Variants in UQCR10 observed in about 807,000 individuals in gnomAD.
UQCR10 encodes cytochrome b-c1 complex subunit 9.
A neutral mutation model predicts 6.0 loss-of-function variants in UQCR10; 5 were observed. The observed-to-expected ratio is 0.83, with a 90% CI of 0.43 to 1.74. The LOEUF (loss-of-function observed/expected upper bound fraction) is 1.74. UQCR10 is among the 40% of genes most tolerant of loss of function. The pLI is 0.02. For synonymous variants in UQCR10, 40 were observed against 37.4 expected (o/e 1.07, Z -0.26); for missense variants, 101 against 85.1 (o/e 1.19, Z -0.74).
chr22:29,769,830 A>G lies in UQCR10; in HGVS notation c.*111A>G. 7.9e-7 allele frequency: 1 copy of G among 1,259,166 alleles called. No individual in the cohort carries two copies. Among genetic ancestry groups the G allele is most frequent in the Non-Finnish European group, 1.1e-6 (1 of 880,930 alleles). 78.0% of individuals were successfully genotyped at this position (1,259,166 alleles called of 1,614,324 possible). ...ATGCTCAAGGTACTCTTCATGGACC[A>G]CCATTCGCTGTTGGCAAGAAACGGC... On this transcript the variant is annotated 3_prime_UTR_variant, in exon 2 of 2. Coordinates refer to ENST00000330029, the MANE Select transcript of UQCR10 (RefSeq NM_013387.4).
Position 29,770,042 on chromosome 22 carries a change from C to A in UQCR10, c.*323C>A. The A allele has an allele frequency of 2.1e-6, 1 of 477,614 alleles. No individual in the cohort carries two copies. The highest frequency in any genetic ancestry group is 2.0e-5 in the African/African-American group (1 of 51,092). The allele number at this position is 477,614 out of a possible 1,614,324, so 29.6% of individuals were successfully genotyped here. On this transcript the variant is annotated 3_prime_UTR_variant, in exon 2 of 2. Coordinates refer to ENST00000330029, the MANE Select transcript of UQCR10 (RefSeq NM_013387.4). ...AAGCCCTCTGCAAACACCCCAAAGG[C>A]AGAATCTGCTATTTTGAGTTTTCCA...
chr22:29,768,635 T>TGTG (rs1020831437), intron 1 of UQCR10, among the ~76,000 whole-genome samples: 1 of 151,936 alleles, frequency 6.6e-6, no homozygotes, highest in Non-Finnish European at 1.5e-5. Flanking sequence ...TTGTTTTGTT[T>TGTG]TGTTTTTTTG....
intron 1 of UQCR10, 179 bp downstream of exon 1, chr22:29,767,727 G>T: frequency 1.0e-6 from 1 of 971,932 alleles, no homozygotes; most frequent in Non-Finnish European, 1.5e-6. Flanking sequence ...AACGTTAAGC[G>T]AGGTTAATAT....
intron 1 of UQCR10, among the ~76,000 whole-genome samples, chr22:29,767,992 G>T (rs1487316132): frequency 6.6e-6 from 1 of 152,158 alleles, no homozygotes; most frequent in Non-Finnish European, 1.5e-5. Flanking sequence ...GGCGCTTCTG[G>T]TCCCCAAGGC....
rs574701326 is a variant in UQCR10 at position 29,769,631 on chromosome 22, G to T, written c.151-47G>T. 3.3e-6 allele frequency: 5 copies of T among 1,506,186 alleles called. No homozygotes were observed. In the African/African-American group the frequency reaches 6.9e-5, roughly 21 times the overall value. The allele number at this position is 1,506,186 out of a possible 1,614,324, so 93.3% of individuals were successfully genotyped here. ...AGGGCAGTGGGAGTAGTTGTAAAAT[G>T]TGAGAGGCAAAGGTCAAAGTTTGTG... On this transcript the variant is annotated intron_variant, in intron 1 of 1. Transcript: ENST00000330029.
chr22:29,768,754 G>A (rs2068244177), intron 1 of UQCR10, among the ~76,000 whole-genome samples: 1 of 152,176 alleles, frequency 6.6e-6, no homozygotes, highest in South Asian at 2.1e-4. Flanking sequence ...AGCCTCCTGA[G>A]TAGCTGGGAC....
At chr22:29,768,628 T>TG (rs904937048) in intron 1 of UQCR10, among the ~76,000 whole-genome samples, 11 of 128,512 alleles carry the variant, frequency 8.6e-5, no homozygotes, top group African/African-American at 1.8e-4. Context: ...CTTTTTTTTG[T>TG]TTTGTTTTGT....
rs1416965164 is a variant in UQCR10 at position 29,770,255 on chromosome 22, A to G, written c.*536A>G. On this transcript the variant is annotated 3_prime_UTR_variant, in exon 2 of 2. Coordinates refer to ENST00000330029, the MANE Select transcript of UQCR10 (RefSeq NM_013387.4). ...TCTTAGCCACTCCCCACCCTAGGGT[A>G]TAGTTCAGGGGTATCCAATCCTTTG... 3.0e-6 allele frequency: 1 copy of G among 337,736 alleles called. No homozygotes were observed. The highest frequency in any genetic ancestry group is 5.8e-6 in the Non-Finnish European group (1 of 171,622). 20.9% of individuals were successfully genotyped at this position (337,736 alleles called of 1,614,324 possible).
intron 1 of UQCR10, among the ~76,000 whole-genome samples, chr22:29,768,617 GC>G (rs1478724430): frequency 4.0e-5 from 6 of 149,170 alleles, no homozygotes; most frequent in African/African-American, 1.5e-4. Context: ...TTTTCCTTGT[GC>G]TTTTTTTTGT....
Position 29,769,590 on chromosome 22 carries a change from G to T in UQCR10, c.151-88G>T. ...AGGACATGGCATGTGTTTCCCCCAAGCTCATTTTAGAGACCAGGGCAGTGG... is the reference window on the plus strand; with the variant it reads ...AGGACATGGCATGTGTTTCCCCCAATCTCATTTTAGAGACCAGGGCAGTGG... On this transcript the variant is annotated intron_variant, in intron 1 of 1. Transcript: ENST00000330029. 3.6e-6 allele frequency: 5 copies of T among 1,378,748 alleles called. No homozygotes were observed. In the South Asian group the frequency reaches 6.4e-5, roughly 18 times the overall value. The allele number at this position is 1,378,748 out of a possible 1,614,324, so 85.4% of individuals were successfully genotyped here.
At chr22:29,767,703 G>A in intron 1 of UQCR10, 155 bp downstream of exon 1, 1 of 1,164,172 alleles carries the variant, frequency 8.6e-7, no homozygotes, top group Non-Finnish European at 1.2e-6. Flanking sequence ...CCCTTGGCTT[G>A]ATGTGAATTC....
In UQCR10 at chr22:29,767,665, G is replaced by C. The variant is rs2068232855; in HGVS notation, c.150+117G>C. On this transcript the variant is annotated intron_variant, in intron 1 of 1. Transcript: ENST00000330029. The stretch of plus-strand genomic sequence containing the variant: ...AGGGGGTAAGGGGTAAACCGTCGGC[G>C]TCTTCTGTCTCGAGTCCGCCGTCTG... The C allele has an allele frequency of 2.1e-6, 3 of 1,425,838 alleles. No homozygotes were observed. In the Admixed American group the frequency reaches 8.4e-5, roughly 40 times the overall value. 88.3% of individuals were successfully genotyped at this position (1,425,838 alleles called of 1,614,324 possible). A position where few individuals can be genotyped will look rare whatever the true frequency, so the allele number is the denominator to read the frequency against.
intron 1 of UQCR10, among the ~76,000 whole-genome samples, chr22:29,768,906 C>T (rs1049675882): frequency 2.0e-5 from 3 of 152,146 alleles, no homozygotes; most frequent in African/African-American, 4.8e-5. Flanking sequence ...GGATTACAGG[C>T]GTGAGCCACT....
intron 1 of UQCR10, among the ~76,000 whole-genome samples, chr22:29,769,072 T>G (rs1484252337): frequency 6.6e-6 from 1 of 152,222 alleles, no homozygotes; most frequent in Non-Finnish European, 1.5e-5. Context: ...TCTTCCAGGC[T>G]GTTTTCCTTA....
rs763838487 is a variant in UQCR10 at position 29,767,635 on chromosome 22, C to T, written c.150+87C>T. ...GGGATGGGACTCAGTATACTTTTAC[C>T]AGGAAGGGGGTAAGGGGTAAACCGT... is the stretch of plus-strand genomic sequence containing the variant. On this transcript the variant is annotated intron_variant, in intron 1 of 1. Coordinates refer to ENST00000330029, the MANE Select transcript of UQCR10 (RefSeq NM_013387.4). The T allele has an allele frequency of 2.3e-5, 35 of 1,492,510 alleles. No individual in the cohort carries two copies. The South Asian group carries it at 4.3e-4, about 18-fold the overall frequency. The allele number at this position is 1,492,510 out of a possible 1,614,324, so 92.5% of individuals were successfully genotyped here.
intron 1 of UQCR10, 92 bp downstream of exon 1, chr22:29,767,640 AG>A: frequency 6.8e-7 from 1 of 1,469,408 alleles, no homozygotes; most frequent in Non-Finnish European, 9.1e-7. Context: ...TTTACCAGGA[AG>A]GGGGTAAGGG....
In UQCR10 at chr22:29,769,667, T is replaced by G. The variant is rs375980939; in HGVS notation, c.151-11T>G. Reference sequence around the variant, plus strand: ...AGGTCAAAGTTTGTGGCTCTTGTCTTTAAAATGCAGAAGCTGTGGAAACAC... The same window carrying G: ...AGGTCAAAGTTTGTGGCTCTTGTCTGTAAAATGCAGAAGCTGTGGAAACAC... On this transcript the variant is annotated splice_polypyrimidine_tract_variant and intron_variant, in intron 1 of 1. Coordinates refer to ENST00000330029, the MANE Select transcript of UQCR10 (RefSeq NM_013387.4). 1.2e-5 allele frequency: 20 copies of G among 1,606,266 alleles called. No individual in the cohort carries two copies. Among genetic ancestry groups the G allele is most frequent in the Non-Finnish European group, 1.6e-5 (19 of 1,176,438 alleles).
In UQCR10 at chr22:29,768,808, G is replaced by T. The variant is rs377101531; in HGVS notation, c.151-870G>T. ...CGCCCAGCTAATTTTTGTATTTTTTGTAGAGATGGGGTTTCACCATGTTGC... is the reference window on the plus strand; with the variant it reads ...CGCCCAGCTAATTTTTGTATTTTTTTTAGAGATGGGGTTTCACCATGTTGC... On this transcript the variant is annotated intron_variant, in intron 1 of 1. Transcript: ENST00000330029. 1.7e-3 allele frequency among the ~76,000 whole-genome samples: 255 copies of T among 152,142 alleles called. 1 individual carries two copies. The highest frequency in any genetic ancestry group is 5.6e-3 in the African/African-American group (233 of 41,490).
rs1019416547 is a variant in UQCR10, at chr22:29,770,170, C to G, written c.*451C>G. ...AGTAATTCCATTCTTAAATACCTCACTGTCTTGGCCATGGGGAAGCACTAT... is the reference window on the plus strand; with the variant it reads ...AGTAATTCCATTCTTAAATACCTCAGTGTCTTGGCCATGGGGAAGCACTAT... On this transcript the variant is annotated 3_prime_UTR_variant, in exon 2 of 2. Transcript: ENST00000330029. The G allele has an allele frequency of 2.6e-4, 92 of 360,330 alleles. No individual in the cohort carries two copies. Among genetic ancestry groups the G allele is most frequent in the Middle Eastern group, 9.7e-4 (1 of 1,034 alleles). 22.3% of individuals were successfully genotyped at this position (360,330 alleles called of 1,614,324 possible). A position where few individuals can be genotyped will look rare whatever the true frequency, so the allele number is the denominator to read the frequency against.
Sources: gnomAD v4.1 joint callset for allele counts (sites outside exome capture counted in the v4.1 genomes callset) on GRCh38, gnomAD v4.1.1 for gene constraint, MANE v1.5 for transcripts, NCBI Gene and HGNC (gene_info 2026-07-23, HGNC 2026-07-21) for gene names.